The following NUMB variants were observed in gnomAD, a reference collection of about 807,000 sequenced individuals.
NUMB encodes NUMB endocytic adaptor protein.
In NUMB, 29 loss-of-function variants were observed where a neutral mutation model predicts 59.7. The observed-to-expected ratio is 0.49, with a 90% CI of 0.36 to 0.66. The LOEUF is 0.66. Among genes scored for constraint, NUMB ranks in the 30% least tolerant of loss-of-function variants. The pLI, the probability that NUMB is intolerant of heterozygous loss-of-function variation, is 0.00. For synonymous variants in NUMB, 288 were observed against 288.2 expected, an observed-to-expected ratio of 1.00 and a Z score of 0.01; for missense variants, 723 against 822.0, an observed-to-expected ratio of 0.88 and a Z score of 1.47.
chr14:73,277,381 T>C (rs1296371442), intron 12 of NUMB, 88 bp from the exon 13 acceptor site: 2 of 1,017,478 alleles, frequency 2.0e-6, no homozygotes, highest in African/African-American at 1.6e-5. Flanking sequence ...GATCCTAACA[T>C]GTACAACATG....
intron 7 of NUMB, among the ~76,000 whole-genome samples, chr14:73,296,803 AC>A (rs747000487): frequency 2.0e-5 from 3 of 152,194 alleles, no homozygotes; most frequent in Non-Finnish European, 4.4e-5. Flanking sequence ...CCGGTGGATC[AC>A]CTGAGGTCAG....
chr14:73,310,064 T>C (rs1329418941), intron 6 of NUMB, among the ~76,000 whole-genome samples: 1 of 152,138 alleles, frequency 6.6e-6, no homozygotes, highest in Non-Finnish European at 1.5e-5. Flanking sequence ...TATTATAATA[T>C]TTTTGGTGAT....
At chr14:73,447,782 C>A (rs2140202277) in intron 1 of NUMB, among the ~76,000 whole-genome samples, 1 of 150,608 alleles carries the variant, frequency 6.6e-6, no homozygotes, top group Non-Finnish European at 1.5e-5. Flanking sequence ...CATTTTCTTG[C>A]CGATTTTTTT....
intron 6 of NUMB, among the ~76,000 whole-genome samples, chr14:73,299,700 G>A (rs779042243): frequency 1.3e-5 from 2 of 151,998 alleles, no homozygotes; most frequent in East Asian, 1.9e-4. Context: ...AGAATGGGTC[G>A]AGAAGTAAAT....
chr14:73,348,089 T>C (rs1025101420), intron 4 of NUMB, among the ~76,000 whole-genome samples: 4 of 152,208 alleles, frequency 2.6e-5, no homozygotes, highest in Admixed American at 6.5e-5. Flanking sequence ...GTTGCCACCA[T>C]GGAAAACCTT....
chr14:73,302,608 C>T (rs1021220780), intron 6 of NUMB, among the ~76,000 whole-genome samples: 2 of 151,784 alleles, frequency 1.3e-5, no homozygotes, highest in South Asian at 2.1e-4. Flanking sequence ...GATGAGGTTT[C>T]GCCATGTTGG....
intron 4 of NUMB, among the ~76,000 whole-genome samples, chr14:73,326,965 C>T (rs965710733): frequency 5.9e-5 from 9 of 152,144 alleles, no homozygotes; most frequent in Non-Finnish European, 2.9e-5. Flanking sequence ...ACATTCATGA[C>T]TTCAAAGTCC....
intron 1 of NUMB, among the ~76,000 whole-genome samples, chr14:73,438,886 T>C (rs74061121): frequency 5.9e-5 from 9 of 152,216 alleles, no homozygotes; most frequent in African/African-American, 2.2e-4. Context: ...CCTCACTAAG[T>C]AGGTCTAGTG....
At chr14:73,309,750 T>TAATAAA (rs1439531693) in intron 6 of NUMB, among the ~76,000 whole-genome samples, 1 of 145,118 alleles carries the variant, frequency 6.9e-6, no homozygotes. Context: ...ATAATAATAA[T>TAATAAA]AATAATAAAA....
chr14:73,426,218 G>A (rs923774268), intron 1 of NUMB, among the ~76,000 whole-genome samples: 1 of 152,120 alleles, frequency 6.6e-6, no homozygotes, highest in African/African-American at 2.4e-5. Context: ...ATATATAAGT[G>A]TATCAAATAT....
intron 2 of NUMB, among the ~76,000 whole-genome samples, chr14:73,402,595 A>G (rs571904169): frequency 6.6e-6 from 1 of 152,306 alleles, no homozygotes; most frequent in Admixed American, 6.5e-5. Context: ...TTATAATAAT[A>G]ATATCTTCCA....
intron 1 of NUMB, among the ~76,000 whole-genome samples, chr14:73,446,739 T>A (rs980190427): frequency 2.7e-5 from 4 of 150,752 alleles, no homozygotes; most frequent in Non-Finnish European, 5.9e-5. Context: ...CTCGGCAGCA[T>A]AACAAGACCT....
intron 4 of NUMB, among the ~76,000 whole-genome samples, chr14:73,347,759 C>T (rs1261922424): frequency 6.6e-6 from 1 of 152,192 alleles, no homozygotes; most frequent in Non-Finnish European, 1.5e-5. Context: ...CTCCTTTGAA[C>T]AAGCCTATTT....
At chr14:73,422,333 G>A (rs1375642097) in intron 1 of NUMB, among the ~76,000 whole-genome samples, 1 of 151,992 alleles carries the variant, frequency 6.6e-6, no homozygotes, top group South Asian at 2.1e-4. Context: ...ATCCAAACAC[G>A]TCATAGTAGC....
chr14:73,372,343 TTATA>T (rs60502086), intron 2 of NUMB, among the ~76,000 whole-genome samples: 12 of 100,780 alleles, frequency 1.2e-4, no homozygotes, highest in African/African-American at 3.0e-4. Flanking sequence ...ATATAACCTT[TTATA>T]TATATATATA....
chr14:73,311,840 T>A (rs547005504), intron 6 of NUMB, among the ~76,000 whole-genome samples: 14 of 152,324 alleles, frequency 9.2e-5, no homozygotes, highest in African/African-American at 3.4e-4. Flanking sequence ...ACAATTGACC[T>A]AGCAAACTCA....
chr14:73,286,502 T>C (rs1035804244), intron 9 of NUMB: 2 of 153,090 alleles, frequency 1.3e-5, no homozygotes, highest in African/African-American at 4.8e-5. Context: ...ACTTGAATGT[T>C]TGTACAGGCA....
At chr14:73,329,955 C>A (rs1025131764) in intron 4 of NUMB, among the ~76,000 whole-genome samples, 1 of 152,154 alleles carries the variant, frequency 6.6e-6, no homozygotes, top group Non-Finnish European at 1.5e-5. Flanking sequence ...AAAACTGCAC[C>A]TCCTGTACCT....
chr14:73,429,289 G>C (rs547015847), intron 1 of NUMB, among the ~76,000 whole-genome samples: 4 of 151,738 alleles, frequency 2.6e-5, no homozygotes, highest in African/African-American at 9.7e-5. Flanking sequence ...GGAGAATGCC[G>C]TGAACCCAGG....
Sources: allele counts gnomAD v4.1 joint callset (sites outside exome capture counted in the v4.1 genomes callset), GRCh38; gene constraint gnomAD v4.1.1; transcripts MANE v1.5; gene names NCBI Gene and HGNC (gene_info 2026-07-23, HGNC 2026-07-21).